KCNIP1: variants seen among roughly 807,000 people sequenced by gnomAD.
KCNIP1 encodes A-type potassium channel modulatory protein KCNIP1.
KCNIP1 carries 18 observed loss-of-function variants against 33.0 expected under a neutral mutation model. The ratio of observed to expected loss-of-function variants is 0.55; its 90% CI spans 0.38 to 0.81. KCNIP1 has a LOEUF of 0.81. Ranked by LOEUF, KCNIP1 falls within the 30% of genes least tolerant of loss-of-function variation. The pLI is 0.00. For missense variants in KCNIP1, 238 were observed against 271.6 expected (o/e 0.88, Z 0.87); for synonymous variants, 93 against 98.3 (o/e 0.95, Z 0.32).
chr5:170,358,485 C>G (rs1763408333), intron 1 of KCNIP1, among the ~76,000 whole-genome samples: 1 of 152,228 alleles, frequency 6.6e-6, no homozygotes, highest in East Asian at 1.9e-4. Flanking sequence ...ACTCTGCCTT[C>G]AAGCAGGCCA....
At chr5:170,550,535 T>C (rs1321336954) in intron 1 of KCNIP1, among the ~76,000 whole-genome samples, 2 of 148,226 alleles carry the variant, frequency 1.3e-5, no homozygotes, top group African/African-American at 5.3e-5. Flanking sequence ...ATGATGATGG[T>C]GATAATGATG....
At chr5:170,384,781 C>A (rs1334351321) in intron 1 of KCNIP1, among the ~76,000 whole-genome samples, 1 of 152,212 alleles carries the variant, frequency 6.6e-6, no homozygotes, top group African/African-American at 2.4e-5. Context: ...ATGGACCATT[C>A]TCTGAGATTC....
intron 1 of KCNIP1, among the ~76,000 whole-genome samples, chr5:170,405,885 T>A (rs1755027065): frequency 6.6e-6 from 1 of 152,132 alleles, no homozygotes; most frequent in Non-Finnish European, 1.5e-5. Flanking sequence ...CTCAATCATG[T>A]TTCCATGTGA....
intron 5 of KCNIP1, among the ~76,000 whole-genome samples, chr5:170,729,064 G>A (rs1315517457): frequency 1.3e-5 from 2 of 151,894 alleles, no homozygotes; most frequent in African/African-American, 2.4e-5. Flanking sequence ...TGGAAAACTG[G>A]TTAACTATTT....
chr5:170,725,476 A>G lies in KCNIP1; in HGVS notation c.435+2656A>G, dbSNP rs112068854. The stretch of plus-strand genomic sequence containing the variant: ...TTTGTTGGATCTAAAAATCAAAACA[A>G]TATGAAGATAGAGGGCAGAAGGACG... On this transcript the variant is annotated intron_variant, in intron 5 of 7. Transcript: ENST00000328939. 3.6e-3 allele frequency among the ~76,000 whole-genome samples: 543 copies of G among 152,268 alleles called. 2 individuals carry two copies. The highest frequency in any genetic ancestry group is 0.012 in the African/African-American group (498 of 41,554).
Position 170,564,060 on chromosome 5 carries a change from C to T in KCNIP1, c.61+59427C>T, listed in dbSNP as rs537343935. On this transcript the variant is annotated intron_variant, in intron 1 of 7. Transcript: ENST00000328939. Reference sequence around the variant, plus strand: ...CTACGTCCTCTTTCCTCCATAACCACGTCACAGTGCACTGTAAACACATTA... The same window carrying T: ...CTACGTCCTCTTTCCTCCATAACCATGTCACAGTGCACTGTAAACACATTA... 2.2e-4 allele frequency among the ~76,000 whole-genome samples: 33 copies of T among 152,306 alleles called. No individual in the cohort carries two copies. In the South Asian group the frequency reaches 6.4e-3, roughly 30 times the overall value.
chr5:170,473,065 C>T (rs1217299281), intron 1 of KCNIP1, among the ~76,000 whole-genome samples: 1 of 152,084 alleles, frequency 6.6e-6, no homozygotes, highest in Non-Finnish European at 1.5e-5. Flanking sequence ...AGAAGTGTTC[C>T]CTGTTCACTG....
At chr5:170,507,959 G>T (rs1441112841) in intron 1 of KCNIP1, among the ~76,000 whole-genome samples, 3 of 152,160 alleles carry the variant, frequency 2.0e-5, no homozygotes, top group African/African-American at 7.2e-5. Flanking sequence ...TAGCAGTTTT[G>T]CATGTGCATG....
At chr5:170,460,992 G>T (rs929234837) in intron 1 of KCNIP1, among the ~76,000 whole-genome samples, 1 of 152,154 alleles carries the variant, frequency 6.6e-6, no homozygotes, top group African/African-American at 2.4e-5. Context: ...CAAATCAGTA[G>T]CTCTTCTATC....
chr5:170,355,758 C>G (rs907138989), intron 1 of KCNIP1, among the ~76,000 whole-genome samples: 1 of 152,222 alleles, frequency 6.6e-6, no homozygotes, highest in African/African-American at 2.4e-5. Flanking sequence ...GCCTCCCTCT[C>G]TCTGCTCAGA....
At chr5:170,427,806 T>G (rs944078145) in intron 1 of KCNIP1, among the ~76,000 whole-genome samples, 2 of 152,238 alleles carry the variant, frequency 1.3e-5, no homozygotes, top group Non-Finnish European at 2.9e-5. Flanking sequence ...TGGAGCCAGA[T>G]GGCCCAGAGA....
chr5:170,535,178 T>C (rs1755934528), intron 1 of KCNIP1, among the ~76,000 whole-genome samples: 1 of 152,092 alleles, frequency 6.6e-6, no homozygotes, highest in Non-Finnish European at 1.5e-5. Context: ...TCACCCCCAC[T>C]GACAGGTCAG....
intron 1 of KCNIP1, among the ~76,000 whole-genome samples, chr5:170,609,701 C>CA (rs1201269561): frequency 1.3e-5 from 2 of 151,916 alleles, no homozygotes; most frequent in Non-Finnish European, 2.9e-5. Flanking sequence ...AAAAATAATA[C>CA]AAAAAATTAG....
At chr5:170,731,872 CAAAAAAAAAAAAAAAAAA>C (rs1157286321) in intron 5 of KCNIP1, among the ~76,000 whole-genome samples, 3 of 16,900 alleles carry the variant, frequency 1.8e-4, no homozygotes, top group African/African-American at 4.6e-4. Flanking sequence ...GACTCCGTCT[CAAAAAAAAAAAAAAAAAA>C]AAAAAAAAAA....
chr5:170,579,441 G>A (rs1443403206), intron 1 of KCNIP1, among the ~76,000 whole-genome samples: 2 of 152,114 alleles, frequency 1.3e-5, no homozygotes, highest in Admixed American at 6.6e-5. Flanking sequence ...ACAGCCACAG[G>A]CAGGCCAGAA....
chr5:170,605,527 C>T (rs1758872542), intron 1 of KCNIP1, among the ~76,000 whole-genome samples: 1 of 152,178 alleles, frequency 6.6e-6, no homozygotes, highest in Non-Finnish European at 1.5e-5. Context: ...TATCTGGTTC[C>T]AGAACTTTCT....
chr5:170,676,828 T>C (rs1762162663), intron 1 of KCNIP1, among the ~76,000 whole-genome samples: 1 of 152,214 alleles, frequency 6.6e-6, no homozygotes, highest in African/African-American at 2.4e-5. Flanking sequence ...CAGAAGTAGC[T>C]AGCTAAAATT....
chr5:170,534,466 GGGAGAA>G (rs1215887088), intron 1 of KCNIP1, among the ~76,000 whole-genome samples: 3 of 137,518 alleles, frequency 2.2e-5, no homozygotes, highest in Admixed American at 6.8e-5. Flanking sequence ...GAGAGGGAGA[GGGAGAA>G]GGAGGAGGAG....
chr5:170,416,830 G>A (rs1259532132), intron 1 of KCNIP1, among the ~76,000 whole-genome samples: 3 of 152,092 alleles, frequency 2.0e-5, no homozygotes, highest in Non-Finnish European at 4.4e-5. Context: ...TTACAGATGG[G>A]GAAACTGAGG....
Sources: allele counts gnomAD v4.1 joint callset (sites outside exome capture counted in the v4.1 genomes callset), GRCh38; gene constraint gnomAD v4.1.1; transcripts MANE v1.5; gene names NCBI Gene and HGNC (gene_info 2026-07-23, HGNC 2026-07-21).